The following USP42 variants were observed in gnomAD, a reference collection of about 807,000 sequenced individuals.
The protein encoded by USP42 is ubiquitin specific peptidase 42, also known as ubiquitin carboxyl-terminal hydrolase 42.
A neutral mutation model predicts 113.0 loss-of-function variants in USP42; 23 were observed. That is an observed-to-expected ratio of 0.20 (90% CI 0.15 to 0.29). The LOEUF is 0.29. Among genes scored for constraint, USP42 ranks in the 10% least tolerant of loss-of-function variants. The pLI is 1.00. For synonymous variants in USP42, 933 were observed against 699.0 expected, an observed-to-expected ratio of 1.33 and a Z score of -5.28; for missense variants, 2,174 against 1,779.8, an observed-to-expected ratio of 1.22 and a Z score of -3.99.
chr7:6,141,430 T>G (rs947018373), intron 7 of USP42, among the ~76,000 whole-genome samples: 1 of 152,068 alleles, frequency 6.6e-6, no homozygotes, highest in African/African-American at 2.4e-5. Flanking sequence ...TCTTGAACTC[T>G]TGACCTCGTG....
intron 3 of USP42, among the ~76,000 whole-genome samples, chr7:6,124,313 G>C (rs909385351): frequency 6.6e-6 from 1 of 152,012 alleles, no homozygotes; most frequent in African/African-American, 2.4e-5. Context: ...TGTCACCCAG[G>C]CTGGAGTGCA....
Position 6,156,740 on chromosome 7 carries a change from T to C in USP42, c.3642-14T>C. ...GTGTTTTAGGGTTTTGAATTCTGGC[T>C]TTTCCTTCTGCAGGCATCAGCAGGA... On this transcript the variant is annotated splice_polypyrimidine_tract_variant and intron_variant, in intron 15 of 17. Transcript: ENST00000306177. 6.6e-7 allele frequency: 1 copy of C among 1,522,730 alleles called. No homozygotes were observed. Among genetic ancestry groups the C allele is most frequent in the Non-Finnish European group, 8.8e-7 (1 of 1,139,998 alleles). The allele number at this position is 1,522,730 out of a possible 1,614,324, so 94.3% of individuals were successfully genotyped here.
In USP42 at chr7:6,111,311, G is replaced by A; in HGVS notation, c.178G>A (p.Ala60Thr). 1 of 1,609,272 alleles carries A rather than the reference G, an allele frequency of 6.2e-7. No homozygotes were observed. Among genetic ancestry groups the A allele is most frequent in the Non-Finnish European group, 8.5e-7 (1 of 1,177,528 alleles). ...ACTTTCTTTAGGACCAGTACCTGGTGCTGTAGTTTATTCGAGTTCATCTGT... is the reference window on the plus strand; with the variant it reads ...ACTTTCTTTAGGACCAGTACCTGGTACTGTAGTTTATTCGAGTTCATCTGT... ...HTLSLGPVPGAVVYSSSSVPD... is the reference protein window; with the variant it reads ...HTLSLGPVPGTVVYSSSSVPD... The change falls in exon 2 of 18, where the codon GCT becomes ACT. Residue 60 changes from alanine (A) to threonine (T), a missense_variant. Physicochemically the swap from Ala to Thr is moderately conservative, Grantham distance 58. Transcript: ENST00000306177.
chr7:6,123,808 G>A lies in USP42; in HGVS notation c.442+8285G>A, dbSNP rs1475333996. ...GGATTATGCCACTGTACTCCAACCA[G>A]GGCAACGAAAGGAGACCCTGTCTCA... On this transcript the variant is annotated intron_variant, in intron 3 of 17. Coordinates refer to ENST00000306177, the MANE Select transcript of USP42 (RefSeq NM_032172.3). 3.4e-5 allele frequency among the ~76,000 whole-genome samples: 5 copies of A among 148,742 alleles called. No individual in the cohort carries two copies. The East Asian group carries it at 9.9e-4, about 30-fold the overall frequency.
At chr7:6,112,965 G>A (rs1485698672) in intron 2 of USP42, among the ~76,000 whole-genome samples, 1 of 146,366 alleles carries the variant, frequency 6.8e-6, no homozygotes, top group Admixed American at 7.0e-5. Flanking sequence ...ATGCAGTGGC[G>A]CGATCTCGGC....
chr7:6,103,438 A>G (rs2128469992), upstream of USP42, among the ~76,000 whole-genome samples: 1 of 150,312 alleles, frequency 6.7e-6, no homozygotes, highest in East Asian at 1.9e-4. Flanking sequence ...TAGGAGGCTG[A>G]GGCAGGAGGC....
At chr7:6,084,332 G>A in the USP42 span, 1 of 151,300 alleles carries the variant, frequency 6.6e-6, no homozygotes, top group African/African-American at 2.5e-5. Context: ...CAGCCCTGAA[G>A]AGGGTTTTGA....
intron 3 of USP42, among the ~76,000 whole-genome samples, chr7:6,122,464 TTTTGTTTG>T (rs375914959): frequency 3.3e-5 from 5 of 151,950 alleles, no homozygotes; most frequent in South Asian, 2.1e-4. Context: ...TGTTTTGTTT[TTTTGTTTG>T]TTTGTTTGTT....
rs1251569248 is a variant in USP42 at position 6,154,822 on chromosome 7, G to C, written c.3268G>C (p.Glu1090Gln). Residue 1090 changes from glutamate (E) to glutamine (Q), a missense_variant, in exon 15 of 18, where the codon GAG becomes CAG. Transcript: ENST00000306177. ...GREHERAGLHERPHKDHNRGR... is the reference protein window; with the variant it reads ...GREHERAGLHQRPHKDHNRGR... ...CGAGCACGAGCGGGCCGGGCTGCAC[G>C]AGCGGCCGCACAAGGACCACAACCG... 1.9e-6 allele frequency: 3 copies of C among 1,542,750 alleles called. No individual in the cohort carries two copies. The highest frequency in any genetic ancestry group is 2.5e-5 in the East Asian group (1 of 40,428).
chr7:6,110,841 C>G (rs1779560649), intron 1 of USP42, among the ~76,000 whole-genome samples: 1 of 152,044 alleles, frequency 6.6e-6, no homozygotes, highest in South Asian at 2.1e-4. Flanking sequence ...AACTGAAATG[C>G]CAGACTTTTA....
chr7:6,085,850 T>C, the USP42 span, among the ~76,000 whole-genome samples: 1 of 150,584 alleles, frequency 6.6e-6, no homozygotes, highest in Non-Finnish European at 1.5e-5. Flanking sequence ...CCTGACCTTG[T>C]GATCTGCCCG....
chr7:6,146,196 A>AGT lies in USP42; in HGVS notation c.1182_1183dup (p.Asp395ValfsTer22). 6.2e-7 allele frequency: 1 copy of AGT among 1,605,080 alleles called. No homozygotes were observed. The highest frequency in any genetic ancestry group is 8.5e-7 in the Non-Finnish European group (1 of 1,176,224). On this transcript the variant is annotated frameshift_variant, in exon 11 of 18. Coordinates refer to ENST00000306177, the MANE Select transcript of USP42 (RefSeq NM_032172.3). LOFTEE classifies it high-confidence loss of function. ...AATGAATGACTCCATTGTATCTACCAGTGATATTAGATCGGTACTCAGCCA... is the reference window on the plus strand; with the variant it reads ...AATGAATGACTCCATTGTATCTACCAGTGTGATATTAGATCGGTACTCAGCCA...
rs951372140 is a variant in USP42 at position 6,153,904 on chromosome 7, C to G, written c.2350C>G (p.Pro784Ala). The stretch of plus-strand genomic sequence containing the variant: ...TCCGCCGCCCCGCGATCCCGGCACC[C>G]CCGCTACCAAAGAAGGCGCCTGGGA... Reference protein sequence around the residue: ...KAPPPRDPGTPATKEGAWEAM... With the variant: ...KAPPPRDPGTAATKEGAWEAM... Residue 784 changes from proline to alanine, a missense_variant, in exon 15 of 18, where the codon CCC becomes GCC. Transcript: ENST00000306177. The G allele has an allele frequency of 6.3e-7, 1 of 1,593,560 alleles. No homozygotes were observed. The highest frequency in any genetic ancestry group is 8.5e-7 in the Non-Finnish European group (1 of 1,172,268).
chr7:6,082,465 T>C, the USP42 span, among the ~76,000 whole-genome samples: 1 of 148,128 alleles, frequency 6.8e-6, no homozygotes, highest in Admixed American at 6.6e-5. Context: ...ATAAAATATA[T>C]TTTTAGGCTG....
chr7:6,090,160 C>T, the USP42 span, among the ~76,000 whole-genome samples: 1 of 148,824 alleles, frequency 6.7e-6, no homozygotes, highest in South Asian at 2.1e-4. Flanking sequence ...ATTAGACAGG[C>T]ATGGTGGCGC....
At chr7:6,092,961 C>T in the USP42 span, 1 of 150,516 alleles carries the variant, frequency 6.6e-6, no homozygotes, top group Admixed American at 6.6e-5. Flanking sequence ...AAGTAAGGTT[C>T]AGAGAACTTA....
chr7:6,152,683 G>T (rs1489201018), intron 14 of USP42, among the ~76,000 whole-genome samples: 4 of 152,234 alleles, frequency 2.6e-5, no homozygotes, highest in Non-Finnish European at 4.4e-5. Flanking sequence ...TGAGGGTGAG[G>T]TAGGTGGCTG....
intron 7 of USP42, 66 bp downstream of exon 7, chr7:6,141,050 AT>A: frequency 1.3e-6 from 1 of 794,830 alleles, no homozygotes; most frequent in Non-Finnish European, 2.0e-6. Context: ...ACTGTAGTTC[AT>A]TTATAATTTA....
chr7:6,155,420 A>G (rs1782389018), intron 15 of USP42, among the ~76,000 whole-genome samples: 1 of 152,226 alleles, frequency 6.6e-6, no homozygotes, highest in Non-Finnish European at 1.5e-5. Flanking sequence ...GTGTCGTTAA[A>G]TGCCTAACAA....
Sources: allele counts gnomAD v4.1 joint callset (sites outside exome capture counted in the v4.1 genomes callset), GRCh38; gene constraint gnomAD v4.1.1; transcripts MANE v1.5; gene names NCBI Gene and HGNC (gene_info 2026-07-23, HGNC 2026-07-21).